The following TMEM132B variants were observed in gnomAD, a reference collection of about 807,000 sequenced individuals.
TMEM132B encodes transmembrane protein 132B.
A neutral mutation model predicts 90.8 loss-of-function variants in TMEM132B; 18 were observed. That is an observed-to-expected ratio of 0.20 (90% CI 0.14 to 0.29). The LOEUF (loss-of-function observed/expected upper bound fraction) is 0.29. Ranked by LOEUF, TMEM132B falls within the 10% of genes least tolerant of loss-of-function variation. The pLI, the probability that TMEM132B is intolerant of heterozygous loss-of-function variation, is 1.00. For missense variants in TMEM132B, 1,096 were observed against 1,326.8 expected (o/e 0.83, Z 2.70); for synonymous variants, 504 against 523.3 (o/e 0.96, Z 0.50).
At chr12:125,652,394 T>C in intron 7 of TMEM132B, 47 bp from the exon 8 acceptor site, 2 of 1,506,100 alleles carry the variant, frequency 1.3e-6, no homozygotes, top group Non-Finnish European at 1.8e-6. Context: ...GGATTCATGG[T>C]GCTCATGAGG....
chr12:125,555,646 T>C (rs547609390), intron 4 of TMEM132B, among the ~76,000 whole-genome samples: 2 of 151,368 alleles, frequency 1.3e-5, no homozygotes, highest in South Asian at 4.2e-4. Flanking sequence ...CACACCAACA[T>C]GGCACATGTA....
intron 3 of TMEM132B, among the ~76,000 whole-genome samples, chr12:125,418,942 C>T (rs561824572): frequency 3.3e-5 from 5 of 152,172 alleles, no homozygotes; most frequent in South Asian, 2.1e-4. Flanking sequence ...CCAAGGGAAC[C>T]GAAAGCTAGA....
At chr12:125,322,883 C>CAT (rs35822262) in intron 1 of TMEM132B, among the ~76,000 whole-genome samples, 84,374 of 150,164 alleles carry the variant, frequency 0.56, 23,802 homozygotes, top group East Asian at 0.78. Context: ...CTTTTCTATG[C>CAT]ATATATATAT....
rs148376215 is a variant in TMEM132B, at chr12:125,221,345, T to A, written c.67+34479T>A. Among the ~76,000 whole-genome samples the A allele has an allele frequency of 9.9e-5, 15 of 152,222 alleles. No individual in the cohort carries two copies. In the East Asian group the frequency reaches 2.9e-3, roughly 29 times the overall value. On this transcript the variant is annotated intron_variant, in intron 1 of 8. Transcript: ENST00000682704. ...CTACTCAGTGCATGAGGATTCAGAG[T>A]GGATAACACTTGCCCCTCGTCTTCA...
At chr12:125,261,256 A>G (rs1339233459) in intron 1 of TMEM132B, among the ~76,000 whole-genome samples, 1 of 152,216 alleles carries the variant, frequency 6.6e-6, no homozygotes, top group Non-Finnish European at 1.5e-5. Flanking sequence ...GGGCACATAC[A>G]AGAAAGAATC....
intron 4 of TMEM132B, among the ~76,000 whole-genome samples, chr12:125,546,486 G>A (rs1048254607): frequency 1.1e-4 from 17 of 152,142 alleles, no homozygotes; most frequent in African/African-American, 4.1e-4. Context: ...CCGGCTGCAA[G>A]TATTGTCTTT....
chr12:125,304,260 C>T (rs973770948), intron 1 of TMEM132B, among the ~76,000 whole-genome samples: 3 of 152,206 alleles, frequency 2.0e-5, no homozygotes, highest in Admixed American at 2.0e-4. Context: ...TGCCCACTGG[C>T]CGGGCTTTCC....
In TMEM132B at chr12:125,644,237, G is replaced by A; in HGVS notation, c.1599G>A (p.Leu533=). ...PLQIEISDTE[L]SQIKGWRIPV... is the part of the protein sequence containing the mutation. Reference sequence around the variant, plus strand: ...AGATTGAGATCTCAGACACCGAGCTGAGCCAGATCAAGGGCTGGAGGATCC... The same window carrying A: ...AGATTGAGATCTCAGACACCGAGCTAAGCCAGATCAAGGGCTGGAGGATCC... The change falls in exon 6 of 9, where the codon CTG becomes CTA. Residue 533 remains leucine, a synonymous_variant. Transcript: ENST00000682704. 1 of 1,614,208 alleles carries A rather than the reference G, an allele frequency of 6.2e-7. No individual in the cohort carries two copies.
In TMEM132B at chr12:125,408,726, C is replaced by T. The variant is rs2136335404; in HGVS notation, c.960-6805C>T. 6.6e-6 allele frequency among the ~76,000 whole-genome samples: 1 copy of T among 152,236 alleles called. No homozygotes were observed. On this transcript the variant is annotated intron_variant, in intron 2 of 8. Coordinates refer to ENST00000682704, the MANE Select transcript of TMEM132B (RefSeq NM_001366854.1). The surrounding 1 kb of genome is among the most constrained non-coding windows in gnomAD (Gnocchi z 5.9). ...AACAGGTGCATGTGTTTCTGTTGGGCATAAACCGAGGAGTGGCAATGCTGT... is the reference window on the plus strand; with the variant it reads ...AACAGGTGCATGTGTTTCTGTTGGGTATAAACCGAGGAGTGGCAATGCTGT...
At chr12:125,430,929 G>T (rs1880481678) in intron 3 of TMEM132B, among the ~76,000 whole-genome samples, 2 of 152,166 alleles carry the variant, frequency 1.3e-5, no homozygotes. Context: ...TGAAGGGAGT[G>T]TGGGGAGGAG....
chr12:125,392,919 G>T (rs1879067160), intron 2 of TMEM132B, among the ~76,000 whole-genome samples: 1 of 152,172 alleles, frequency 6.6e-6, no homozygotes, highest in Non-Finnish European at 1.5e-5. Flanking sequence ...ATGGGGGAGG[G>T]TACATCAGAC....
intron 3 of TMEM132B, among the ~76,000 whole-genome samples, chr12:125,499,596 G>A (rs2136592730): frequency 6.6e-6 from 1 of 152,256 alleles, no homozygotes; most frequent in East Asian, 1.9e-4. Context: ...GCCTATAAGT[G>A]GACGCATGGG....
chr12:125,519,670 T>C lies in TMEM132B; in HGVS notation c.1293+45T>C, dbSNP rs759460765. 2.4e-5 allele frequency: 38 copies of C among 1,593,824 alleles called. No individual in the cohort carries two copies. In the South Asian group the frequency reaches 4.2e-4, roughly 18 times the overall value. Reference sequence around the variant, plus strand: ...CAGAGGAAGTGTCACAAAGAAGTTTTCTTTAAACATGATGCACTGTATAAT... The same window carrying C: ...CAGAGGAAGTGTCACAAAGAAGTTTCCTTTAAACATGATGCACTGTATAAT... On this transcript the variant is annotated intron_variant, in intron 4 of 8. Coordinates refer to ENST00000682704, the MANE Select transcript of TMEM132B (RefSeq NM_001366854.1).
chr12:125,431,635 C>T lies in TMEM132B; in HGVS notation c.1106+15958C>T, dbSNP rs574180460. 5.9e-5 allele frequency among the ~76,000 whole-genome samples: 9 copies of T among 152,278 alleles called. No individual in the cohort carries two copies. The South Asian group carries it at 1.2e-3, about 21-fold the overall frequency. On this transcript the variant is annotated intron_variant, in intron 3 of 8. Transcript: ENST00000682704. ...CTACTGCTCTGGGCAGGAAAACCCACGATTGGGAAGAGGCTGTGCTCAGCC... is the reference window on the plus strand; with the variant it reads ...CTACTGCTCTGGGCAGGAAAACCCATGATTGGGAAGAGGCTGTGCTCAGCC...
chr12:125,336,813 C>T (rs1054798962), intron 1 of TMEM132B, among the ~76,000 whole-genome samples: 2 of 152,132 alleles, frequency 1.3e-5, no homozygotes, highest in Non-Finnish European at 2.9e-5. Flanking sequence ...GGCTCCAGCC[C>T]AGGTGTCTGT....
chr12:125,214,254 G>A (rs150986685), intron 1 of TMEM132B, among the ~76,000 whole-genome samples: 30 of 152,296 alleles, frequency 2.0e-4, no homozygotes, highest in African/African-American at 7.0e-4. Context: ...CTGACCCAGG[G>A]CCTTAATTGC....
At chr12:125,282,387 C>T (rs148942219) in intron 1 of TMEM132B, among the ~76,000 whole-genome samples, 10 of 152,286 alleles carry the variant, frequency 6.6e-5, no homozygotes, top group African/African-American at 2.4e-4. Context: ...GTTCAGACTG[C>T]CCTGCAGGGA....
chr12:125,208,022 T>G (rs1011639855), intron 1 of TMEM132B, among the ~76,000 whole-genome samples: 3 of 152,262 alleles, frequency 2.0e-5, no homozygotes, highest in African/African-American at 7.2e-5. Context: ...TAATGGCTAC[T>G]GTGTTGGACA....
intron 1 of TMEM132B, among the ~76,000 whole-genome samples, chr12:125,269,171 G>C (rs1047954414): frequency 6.6e-6 from 1 of 152,212 alleles, no homozygotes; most frequent in African/African-American, 2.4e-5. Context: ...TCATCGAGCA[G>C]ACCTGGGCTG....
Sources: allele counts gnomAD v4.1 joint callset (sites outside exome capture counted in the v4.1 genomes callset), GRCh38; gene constraint gnomAD v4.1.1; non-coding constraint Gnocchi (gnomAD v3.1); transcripts MANE v1.5; gene names NCBI Gene and HGNC (gene_info 2026-07-23, HGNC 2026-07-21).